The following CLEC16A variants were observed in gnomAD, a reference collection of about 807,000 sequenced individuals.
CLEC16A encodes protein CLEC16A.
In CLEC16A, 51 loss-of-function variants were observed where a neutral mutation model predicts 109.5. That is an observed-to-expected ratio of 0.47 (90% CI 0.37 to 0.59). CLEC16A has a LOEUF of 0.59. CLEC16A is among the 20% of genes least tolerant of loss of function. The pLI is 0.00. For synonymous variants in CLEC16A, 673 were observed against 564.2 expected (o/e 1.19, Z -2.73); for missense variants, 1,339 against 1,394.0 (o/e 0.96, Z 0.63).
chr16:11,116,594 G>A (rs981827093), intron 19 of CLEC16A, among the ~76,000 whole-genome samples: 1 of 152,248 alleles, frequency 6.6e-6, no homozygotes, highest in East Asian at 1.9e-4. Context: ...ACTGTCGGAG[G>A]ATTGAACCGA....
intron 11 of CLEC16A, among the ~76,000 whole-genome samples, chr16:11,019,035 G>A (rs780212438): frequency 2.6e-5 from 4 of 152,134 alleles, no homozygotes; most frequent in Non-Finnish European, 4.4e-5. Flanking sequence ...TGCATGAGCC[G>A]GGGGGAGGGA....
intron 22 of CLEC16A, among the ~76,000 whole-genome samples, chr16:11,160,317 T>C (rs1423925182): frequency 6.6e-6 from 1 of 152,136 alleles, no homozygotes; most frequent in African/African-American, 2.4e-5. Flanking sequence ...TCCCACCCTT[T>C]AGTCTCTCTC....
At chr16:11,156,066 A>C (rs2054502918) in intron 22 of CLEC16A, among the ~76,000 whole-genome samples, 4 of 152,142 alleles carry the variant, frequency 2.6e-5, no homozygotes. Flanking sequence ...GCTGGGGAAG[A>C]ATCTGGCGCT....
chr16:11,131,333 C>G (rs1211309552), intron 22 of CLEC16A, among the ~76,000 whole-genome samples: 1 of 152,254 alleles, frequency 6.6e-6, no homozygotes, highest in African/African-American at 2.4e-5. Flanking sequence ...CAAGGCCACC[C>G]TTTCCATAAA....
intron 13 of CLEC16A, 38 bp downstream of exon 13, chr16:11,024,959 C>T: frequency 7.2e-7 from 1 of 1,383,294 alleles, no homozygotes; most frequent in Non-Finnish European, 1.0e-6. Flanking sequence ...CTTGCTGGGC[C>T]CTGCATACCC....
At chr16:11,068,071 T>G (rs991591152) in intron 19 of CLEC16A, among the ~76,000 whole-genome samples, 1 of 152,206 alleles carries the variant, frequency 6.6e-6, no homozygotes, top group Admixed American at 6.5e-5. Flanking sequence ...AGGCTGCGGT[T>G]ATGGAGGAAG....
intron 19 of CLEC16A, among the ~76,000 whole-genome samples, chr16:11,068,800 T>G (rs2048901814): frequency 6.6e-6 from 1 of 152,160 alleles, no homozygotes; most frequent in Non-Finnish European, 1.5e-5. Flanking sequence ...ACATTTCTAT[T>G]TTTATTTAAT....
intron 11 of CLEC16A, among the ~76,000 whole-genome samples, chr16:11,010,940 GA>G (rs1192137276): frequency 1.3e-5 from 2 of 152,176 alleles, no homozygotes; most frequent in African/African-American, 4.8e-5. Flanking sequence ...TGATTAGACT[GA>G]GATTATGCGT....
intron 16 of CLEC16A, among the ~76,000 whole-genome samples, chr16:11,044,637 A>G (rs2047536511): frequency 6.6e-6 from 1 of 152,212 alleles, no homozygotes; most frequent in Admixed American, 6.5e-5. Context: ...GGTTTTATAA[A>G]TATCTAATTG....
In CLEC16A at chr16:11,045,418, G is replaced by A. The variant is rs116473572; in HGVS notation, c.1815+1346G>A. Among the ~76,000 whole-genome samples the A allele has an allele frequency of 2.2e-3, 338 of 152,276 alleles. 4 individuals carry two copies. Among genetic ancestry groups the A allele is most frequent in the African/African-American group, 7.7e-3 (320 of 41,538 alleles). The stretch of plus-strand genomic sequence containing the variant: ...GGAAGTCTAAGATCAAGGCAGATTT[G>A]ATATCTTGTGAAGGCTCACTTTCTC... On this transcript the variant is annotated intron_variant, in intron 16 of 23. Transcript: ENST00000409790.
Position 11,002,773 on chromosome 16 carries a change from A to G in CLEC16A, c.1072-301A>G, listed in dbSNP as rs146704746. 7.3e-3 allele frequency among the ~76,000 whole-genome samples: 1,105 copies of G among 152,244 alleles called. 24 individuals are homozygous for G. Among genetic ancestry groups the G allele is most frequent in the African/African-American group, 0.025 (1,051 of 41,544 alleles). On this transcript the variant is annotated intron_variant, in intron 10 of 23. Coordinates refer to ENST00000409790, the MANE Select transcript of CLEC16A (RefSeq NM_015226.3). ...TGTCTGAGTTATTTCACTTAAGATA[A>G]TCGTCCCCATGTTGCTGCAAAATAC...
rs111796202 is a variant in CLEC16A, at chr16:11,020,120, A to G, written c.1304-73A>G. ...AGTCATTTATGCATATTTATTCTCC[A>G]ACATGAGCATGTGTATAAATCTAGG... is the stretch of plus-strand genomic sequence containing the variant. On this transcript the variant is annotated intron_variant, in intron 11 of 23. Transcript: ENST00000409790. 1.5e-4 allele frequency: 223 copies of G among 1,502,354 alleles called. No homozygotes were observed. The African/African-American group carries it at 2.7e-3, about 18-fold the overall frequency. The allele number at this position is 1,502,354 out of a possible 1,614,324, so 93.1% of individuals were successfully genotyped here. A position where few individuals can be genotyped will look rare whatever the true frequency, so the allele number is the denominator to read the frequency against.
At chr16:11,044,938 A>C (rs548990449) in intron 16 of CLEC16A, among the ~76,000 whole-genome samples, 91 of 152,148 alleles carry the variant, frequency 6.0e-4, no homozygotes, top group Non-Finnish European at 1.0e-4. Flanking sequence ...AAAAAAAAAA[A>C]AAAAAAACTA....
At chr16:11,115,162 G>C (rs993333916) in intron 19 of CLEC16A, among the ~76,000 whole-genome samples, 1 of 152,116 alleles carries the variant, frequency 6.6e-6, no homozygotes, top group Admixed American at 6.5e-5. Flanking sequence ...GACTGTGTCC[G>C]TTTTCCCAGA....
intron 22 of CLEC16A, among the ~76,000 whole-genome samples, chr16:11,136,846 T>C (rs7203459): frequency 0.23 from 35,161 of 152,156 alleles, 4,196 homozygotes; most frequent in South Asian, 0.27. Context: ...ACTGCGCCCA[T>C]CTGAGCCAGG....
At chr16:11,079,308 T>C (rs1016880770) in intron 19 of CLEC16A, among the ~76,000 whole-genome samples, 5 of 152,224 alleles carry the variant, frequency 3.3e-5, no homozygotes, top group Admixed American at 1.3e-4. Context: ...GAGTAGAGAC[T>C]GTCCAGGCCA....
intron 19 of CLEC16A, among the ~76,000 whole-genome samples, chr16:11,082,436 C>G (rs2049776854): frequency 6.6e-6 from 1 of 152,200 alleles, no homozygotes. Context: ...CAGGAGCCAG[C>G]CCACCCCAAA....
At position 10,971,234 on chromosome 16, in the gene CLEC16A, A is replaced by G. The variant is rs758294558; in HGVS notation, c.598+4A>G. 2.5e-6 allele frequency: 4 copies of G among 1,599,054 alleles called. No individual in the cohort carries two copies. The highest frequency in any genetic ancestry group is 1.7e-5 in the Admixed American group (1 of 59,704). ...ATAACTTTGAATGTCTATAAAGGTA[A>G]GTGTCCTCATGGGCTTGTGTCTCGG... is the stretch of plus-strand genomic sequence containing the variant. On this transcript the variant is annotated splice_donor_region_variant and intron_variant, in intron 5 of 23. Coordinates refer to ENST00000409790, the MANE Select transcript of CLEC16A (RefSeq NM_015226.3).
chr16:11,038,813 T>C (rs1205713901), intron 13 of CLEC16A, among the ~76,000 whole-genome samples: 1 of 152,098 alleles, frequency 6.6e-6, no homozygotes, highest in African/African-American at 2.4e-5. Context: ...TGCAATTACT[T>C]TTGTGCCAAC....
Sources: allele counts gnomAD v4.1 joint callset (sites outside exome capture counted in the v4.1 genomes callset), GRCh38; gene constraint gnomAD v4.1.1; transcripts MANE v1.5; gene names NCBI Gene and HGNC (gene_info 2026-07-23, HGNC 2026-07-21).